Variants in PRRC1 observed in about 807,000 individuals in gnomAD.
PRRC1 encodes proline rich coiled-coil 1.
PRRC1 carries 39 observed loss-of-function variants against 40.7 expected under a neutral mutation model. The ratio of observed to expected loss-of-function variants is 0.96; its 90% CI spans 0.74 to 1.25. The LOEUF is 1.25. Among genes scored for constraint, PRRC1 ranks in the 50% most tolerant of loss-of-function variants. The probability of loss-of-function intolerance (pLI) is 0.00; values close to 1 mark genes in which losing one functional copy is unlikely to be tolerated. For synonymous variants in PRRC1, 175 were observed against 193.3 expected (o/e 0.91, Z 0.79); for missense variants, 573 against 548.3 (o/e 1.05, Z -0.45).
Position 127,553,182 on chromosome 5 carries a change from G to C in PRRC1, c.*1266G>C, listed in dbSNP as rs1768438339. ...AAAAGAATTAGCACAATCTCTGGCA[G>C]TTTTATAAAAGCTGTTGAAGCTCTT... On this transcript the variant is annotated 3_prime_UTR_variant, in exon 9 of 9. Coordinates refer to ENST00000296666, the MANE Select transcript of PRRC1 (RefSeq NM_130809.5). 1 of 983,980 alleles carries C rather than the reference G, an allele frequency of 1.0e-6. No individual in the cohort carries two copies. Among genetic ancestry groups the C allele is most frequent in the Admixed American group, 6.1e-5 (1 of 16,282 alleles). 61.0% of individuals were successfully genotyped at this position (983,980 alleles called of 1,614,324 possible). A position where few individuals can be genotyped will look rare whatever the true frequency, so the allele number is the denominator to read the frequency against.
chr5:127,527,021 C>G (rs1383835099), intron 4 of PRRC1, among the ~76,000 whole-genome samples: 5 of 152,146 alleles, frequency 3.3e-5, no homozygotes, highest in African/African-American at 7.2e-5. Flanking sequence ...CTGGTCTTTA[C>G]TGAGCATATA....
In PRRC1 at chr5:127,552,320, C is replaced by T; in HGVS notation, c.*404C>T. On this transcript the variant is annotated 3_prime_UTR_variant, in exon 9 of 9. Transcript: ENST00000296666. ...TTTATAAAAGCATGATTTGCTTTGG[C>T]TTCATCTCTTTTCTGTCAGTCTTTG... The T allele has an allele frequency of 9.8e-7, 1 of 1,024,886 alleles. No homozygotes were observed. 63.5% of individuals were successfully genotyped at this position (1,024,886 alleles called of 1,614,324 possible). A position where few individuals can be genotyped will look rare whatever the true frequency, so the allele number is the denominator to read the frequency against.
At position 127,547,912 on chromosome 5, in the gene PRRC1, T is replaced by C; in HGVS notation, c.1119T>C (p.Phe373=). The C allele has an allele frequency of 6.2e-7, 1 of 1,611,380 alleles. No homozygotes were observed. The highest frequency in any genetic ancestry group is 8.5e-7 in the Non-Finnish European group (1 of 1,177,540). The change falls in exon 8 of 9, where the codon TTT becomes TTC. Residue 373 remains phenylalanine, a synonymous_variant. Transcript: ENST00000296666. The part of the protein sequence containing the change: ...FTQATPVPLE[F]VQQAQSLTPQ... Reference sequence around the variant, plus strand: ...AAGCCACACCAGTGCCTTTGGAATTTGTACAGCAGGTTGGTTTTCTCCTTT... The same window carrying C: ...AAGCCACACCAGTGCCTTTGGAATTCGTACAGCAGGTTGGTTTTCTCCTTT...
In PRRC1 at chr5:127,547,888, A is replaced by G; in HGVS notation, c.1095A>G (p.Gln365=). 6.2e-7 allele frequency: 1 copy of G among 1,613,754 alleles called. No individual in the cohort carries two copies. The highest frequency in any genetic ancestry group is 8.5e-7 in the Non-Finnish European group (1 of 1,179,730). ...VHGIHLETFT[Q]ATPVPLEFVQ... is the part of the protein sequence containing the mutation. ...GCATTCATCTAGAAACATTTACACA[A>G]GCCACACCAGTGCCTTTGGAATTTG... Residue 365 remains glutamine, a synonymous_variant, in exon 8 of 9, where the codon CAA becomes CAG. Transcript: ENST00000296666.
Position 127,539,139 on chromosome 5 carries a change from G to C in PRRC1, c.1021G>C (p.Asp341His). The change falls in exon 7 of 9, where the codon GAC becomes CAC. Residue 341 changes from aspartate to histidine, a missense_variant. By Grantham distance (81) the Asp-to-His change is moderately conservative. Transcript: ENST00000296666. ...AAACTTCATTGCAGAATTGCTGCCT[G>C]ACAAGTAAGTGTATTATGTTTCTCT... is the stretch of plus-strand genomic sequence containing the variant. ...VENFIAELLP[D>H]KWFDIGCLVV... 6.2e-7 allele frequency: 1 copy of C among 1,611,230 alleles called. No individual in the cohort carries two copies. Among genetic ancestry groups the C allele is most frequent in the Non-Finnish European group, 8.5e-7 (1 of 1,177,654 alleles).
Position 127,524,537 on chromosome 5 carries a change from C to G in PRRC1, c.110C>G (p.Thr37Ser). 5 of 1,593,068 alleles carry G rather than the reference C, an allele frequency of 3.1e-6. No individual in the cohort carries two copies. Among genetic ancestry groups the G allele is most frequent in the Non-Finnish European group, 4.3e-6 (5 of 1,167,392 alleles). Residue 37 changes from threonine (T) to serine (S), a missense_variant, in exon 3 of 9, where the codon ACC becomes AGC. Transcript: ENST00000296666. ...CCTCTCCACTTTTTTCTAGCGGCAACCAGTTCTTTTTCTTCTCCAAATGTA... is the reference window on the plus strand; with the variant it reads ...CCTCTCCACTTTTTTCTAGCGGCAAGCAGTTCTTTTTCTTCTCCAAATGTA... ...MSSTPVPLAA[T>S]SSFSSPNVSS...
intron 6 of PRRC1, among the ~76,000 whole-genome samples, chr5:127,536,419 C>G (rs907319334): frequency 6.6e-6 from 1 of 151,940 alleles, no homozygotes; most frequent in African/African-American, 2.4e-5. Flanking sequence ...ACTTGAAAAA[C>G]TGGAACAAGT....
Position 127,552,268 on chromosome 5 carries a change from A to G in PRRC1, c.*352A>G, listed in dbSNP as rs1768413609. On this transcript the variant is annotated 3_prime_UTR_variant, in exon 9 of 9. Transcript: ENST00000296666. ...GATTATTTTGTTCTTTAAAGAAGAC[A>G]TTATTAAAGAACATGTTGGTTGAAT... 5.7e-6 allele frequency: 6 copies of G among 1,051,446 alleles called. No individual in the cohort carries two copies. The highest frequency in any genetic ancestry group is 6.9e-6 in the Non-Finnish European group (6 of 869,330). The allele number at this position is 1,051,446 out of a possible 1,614,324, so 65.1% of individuals were successfully genotyped here. A position where few individuals can be genotyped will look rare whatever the true frequency, so the allele number is the denominator to read the frequency against.
chr5:127,547,513 T>G (rs1768260827), intron 7 of PRRC1, among the ~76,000 whole-genome samples: 1 of 152,124 alleles, frequency 6.6e-6, no homozygotes, highest in African/African-American at 2.4e-5. Context: ...GTATGTAAAT[T>G]TACCTGTTGC....
At chr5:127,527,266 C>G (rs1226437796) in intron 4 of PRRC1, among the ~76,000 whole-genome samples, 4 of 151,986 alleles carry the variant, frequency 2.6e-5, no homozygotes. Context: ...AGTGTGTATA[C>G]ATTCTGGAAT....
intron 4 of PRRC1, among the ~76,000 whole-genome samples, chr5:127,527,720 T>TA (rs1374807098): frequency 7.9e-6 from 1 of 126,202 alleles, no homozygotes; most frequent in Non-Finnish European, 1.6e-5. Flanking sequence ...ATCATGATAC[T>TA]ACATTCCAGT....
At chr5:127,547,769 TA>T in intron 7 of PRRC1, 49 bp from the exon 8 acceptor site, 1 of 1,240,524 alleles carries the variant, frequency 8.1e-7, no homozygotes, top group Non-Finnish European at 1.2e-6. Context: ...CTATTCATGA[TA>T]AGTTTTATTT....
rs530794035 is a variant in PRRC1 at position 127,552,167 on chromosome 5, A to C, written c.*251A>C. Reference sequence around the variant, plus strand: ...AAAAAGAAAATATACAAATCTATTTACAGCACAATTTAATATACCAGATTT... The same window carrying C: ...AAAAAGAAAATATACAAATCTATTTCCAGCACAATTTAATATACCAGATTT... On this transcript the variant is annotated 3_prime_UTR_variant, in exon 9 of 9. Transcript: ENST00000296666. 1 of 1,264,976 alleles carries C rather than the reference A, an allele frequency of 7.9e-7. No individual in the cohort carries two copies. Among genetic ancestry groups the C allele is most frequent in the East Asian group, 3.5e-5 (1 of 28,202 alleles). 78.4% of individuals were successfully genotyped at this position (1,264,976 alleles called of 1,614,324 possible).
intron 5 of PRRC1, 127 bp from the exon 6 acceptor site, chr5:127,533,496 A>T: frequency 1.2e-6 from 1 of 840,566 alleles, no homozygotes; most frequent in Non-Finnish European, 1.8e-6. Context: ...ATAATGATCT[A>T]TATCTTGCAT....
chr5:127,542,160 C>T (rs1370863592), intron 7 of PRRC1, among the ~76,000 whole-genome samples: 3 of 152,168 alleles, frequency 2.0e-5, no homozygotes, highest in Non-Finnish European at 4.4e-5. Context: ...GCAGGTTGTT[C>T]AGTTTCCACG....
intron 5 of PRRC1, among the ~76,000 whole-genome samples, chr5:127,532,850 T>C (rs1767810547): frequency 6.6e-6 from 1 of 152,228 alleles, no homozygotes; most frequent in Admixed American, 6.5e-5. Context: ...TGATAACTAT[T>C]AATGCCAAAT....
In PRRC1 at chr5:127,553,272, A is replaced by ATTAT. The variant is rs1768439519; in HGVS notation, c.*1359_*1362dup. On this transcript the variant is annotated 3_prime_UTR_variant, in exon 9 of 9. Coordinates refer to ENST00000296666, the MANE Select transcript of PRRC1 (RefSeq NM_130809.5). ...CTTTGTGTTAATGCCACTTCAAGTC[A>ATTAT]TTATTTGGTTTCTGCTATTTTTTTA... is the stretch of plus-strand genomic sequence containing the variant. 1 of 987,386 alleles carries ATTAT rather than the reference A, an allele frequency of 1.0e-6. No homozygotes were observed. Among genetic ancestry groups the ATTAT allele is most frequent in the South Asian group, 4.7e-5 (1 of 21,404 alleles). 61.2% of individuals were successfully genotyped at this position (987,386 alleles called of 1,614,324 possible).
intron 1 of PRRC1, among the ~76,000 whole-genome samples, chr5:127,518,310 T>C (rs960731186): frequency 6.6e-6 from 1 of 152,244 alleles, no homozygotes; most frequent in Non-Finnish European, 1.5e-5. Context: ...TTATTTTCCC[T>C]GAGGTTACCC....
rs550576780 is a variant in PRRC1, at chr5:127,552,535, A to G, written c.*619A>G. 1.0e-6 allele frequency: 1 copy of G among 985,704 alleles called. No homozygotes were observed. Among genetic ancestry groups the G allele is most frequent in the South Asian group, 4.7e-5 (1 of 21,298 alleles). 61.1% of individuals were successfully genotyped at this position (985,704 alleles called of 1,614,324 possible). ...GTACACATGTAATCTGGAAAATCAT[A>G]CCTTTGTCAATTTTAAACATAACTT... On this transcript the variant is annotated 3_prime_UTR_variant, in exon 9 of 9. Coordinates refer to ENST00000296666, the MANE Select transcript of PRRC1 (RefSeq NM_130809.5).
Sources: gnomAD v4.1 joint callset for allele counts (sites outside exome capture counted in the v4.1 genomes callset) on GRCh38, gnomAD v4.1.1 for gene constraint, MANE v1.5 for transcripts, NCBI Gene and HGNC (gene_info 2026-07-23, HGNC 2026-07-21) for gene names.